ASIC2: variants seen among roughly 807,000 people sequenced by gnomAD.
ASIC2 encodes acid sensing ion channel subunit 2.
ASIC2 carries 25 observed loss-of-function variants against 57.3 expected under a neutral mutation model. The observed-to-expected ratio is 0.44, with a 90% CI of 0.32 to 0.61. The LOEUF is 0.61. Ranked by LOEUF, ASIC2 falls within the 20% of genes least tolerant of loss-of-function variation. The pLI is 0.06. For synonymous variants in ASIC2, 319 were observed against 307.5 expected (o/e 1.04, Z -0.39); for missense variants, 641 against 738.1 (o/e 0.87, Z 1.52).
At chr17:33,123,690 C>T (rs1308756231) in intron 1 of ASIC2, among the ~76,000 whole-genome samples, 1 of 152,204 alleles carries the variant, frequency 6.6e-6, no homozygotes, top group Non-Finnish European at 1.5e-5. Flanking sequence ...GTGAACTTCG[C>T]TTTCCCCGCG....
chr17:33,065,522 G>A (rs776705829), intron 3 of ASIC2, among the ~76,000 whole-genome samples: 9 of 152,038 alleles, frequency 5.9e-5, no homozygotes, highest in East Asian at 5.8e-4. Flanking sequence ...TTGCTTTGTC[G>A]CCCAGGCTGG....
At chr17:33,350,640 C>T (rs1908126883) in intron 1 of ASIC2, among the ~76,000 whole-genome samples, 2 of 140,778 alleles carry the variant, frequency 1.4e-5, no homozygotes, top group South Asian at 4.3e-4. Flanking sequence ...CAAGATTGCA[C>T]CACTGCACTC....
At chr17:33,272,243 C>T (rs1156760876) in intron 1 of ASIC2, among the ~76,000 whole-genome samples, 1 of 152,196 alleles carries the variant, frequency 6.6e-6, no homozygotes, top group Non-Finnish European at 1.5e-5. Context: ...TCATTATCAT[C>T]TGAAATTATG....
At chr17:33,088,830 G>A (rs1165282713) in intron 3 of ASIC2, 33 bp downstream of exon 3, 1 of 1,587,766 alleles carries the variant, frequency 6.3e-7, no homozygotes, top group Admixed American at 1.8e-5. Context: ...GGGAGGCTGA[G>A]GACCATCAAT....
intron 1 of ASIC2, among the ~76,000 whole-genome samples, chr17:33,480,425 G>A (rs1407605669): frequency 2.0e-5 from 3 of 152,202 alleles, no homozygotes; most frequent in Non-Finnish European, 4.4e-5. Context: ...AGAGACTGGG[G>A]TGGAGTCTGC....
At chr17:33,968,940 C>G (rs73276647) in intron 1 of ASIC2, among the ~76,000 whole-genome samples, 3,561 of 152,278 alleles carry the variant, frequency 0.023, 105 homozygotes, top group African/African-American at 0.062. Context: ...TTAGTTTCAG[C>G]CCCAGTTACA....
At chr17:33,172,682 T>C (rs1905571905) in intron 1 of ASIC2, among the ~76,000 whole-genome samples, 1 of 152,212 alleles carries the variant, frequency 6.6e-6, no homozygotes. Context: ...CATGAGCTCT[T>C]ACAGTTCAGA....
intron 1 of ASIC2, among the ~76,000 whole-genome samples, chr17:33,462,555 T>C (rs12601163): frequency 0.24 from 36,969 of 152,098 alleles, 4,583 homozygotes; most frequent in African/African-American, 0.27. Flanking sequence ...CTTCCACCCA[T>C]GTCTCACTGC....
intron 1 of ASIC2, among the ~76,000 whole-genome samples, chr17:33,258,683 C>T (rs780569406): frequency 1.5e-4 from 23 of 152,260 alleles, no homozygotes; most frequent in Middle Eastern, 3.4e-3. Flanking sequence ...AGAGCCCAGA[C>T]GTGGGTCAGG....
intron 1 of ASIC2, among the ~76,000 whole-genome samples, chr17:33,735,290 C>T (rs966196770): frequency 6.6e-6 from 1 of 152,162 alleles, no homozygotes; most frequent in African/African-American, 2.4e-5. Flanking sequence ...GTGTGGGAAA[C>T]AGAGTCTGGC....
chr17:34,040,179 G>A (rs1367550936), intron 1 of ASIC2, among the ~76,000 whole-genome samples: 1 of 122,080 alleles, frequency 8.2e-6, no homozygotes, highest in African/African-American at 4.0e-5. Context: ...AAGGCCAAGG[G>A]AGGCGCAGGA....
chr17:33,761,779 AC>A (rs995960617), intron 1 of ASIC2, among the ~76,000 whole-genome samples: 1 of 151,068 alleles, frequency 6.6e-6, no homozygotes, highest in African/African-American at 2.4e-5. Context: ...CTCCCACCCT[AC>A]AGCTGAGAAT....
At position 33,556,498 on chromosome 17, in the gene ASIC2, T is replaced by C. The variant is rs74539156; in HGVS notation, c.556-444431A>G. On this transcript the variant is annotated intron_variant, in intron 1 of 9. Transcript: ENST00000359872. ...CAAGGAGCCACTGGATGACAATTAT[T>C]TACTTAGAGCTTAAATACGTTTAAA... 4.3e-3 allele frequency among the ~76,000 whole-genome samples: 653 copies of C among 152,326 alleles called. 14 individuals carry two copies. The highest frequency in any genetic ancestry group is 0.031 in the Admixed American group (471 of 15,298).
At chr17:33,525,663 A>C (rs1053641454) in intron 1 of ASIC2, among the ~76,000 whole-genome samples, 1 of 152,246 alleles carries the variant, frequency 6.6e-6, no homozygotes, top group African/African-American at 2.4e-5. Context: ...ACCTAGACGG[A>C]CTGACCAGCT....
At chr17:33,723,672 T>G (rs1242461971) in intron 1 of ASIC2, among the ~76,000 whole-genome samples, 1 of 152,130 alleles carries the variant, frequency 6.6e-6, no homozygotes, top group Non-Finnish European at 1.5e-5. Context: ...GCAGAATGAA[T>G]CCACAGAGAT....
At chr17:33,565,089 T>C (rs8064509) in intron 1 of ASIC2, among the ~76,000 whole-genome samples, 15,032 of 152,246 alleles carry the variant, frequency 0.099, 1,929 homozygotes, top group African/African-American at 0.3. Context: ...CACACCTCTG[T>C]ATTTCTTAAT....
chr17:34,086,414 T>C (rs1910114518), intron 1 of ASIC2, among the ~76,000 whole-genome samples: 1 of 152,204 alleles, frequency 6.6e-6, no homozygotes, highest in Non-Finnish European at 1.5e-5. Context: ...TAGTTTGTTA[T>C]AATTTCTGTT....
chr17:33,316,531 G>A (rs1054942479), intron 1 of ASIC2, among the ~76,000 whole-genome samples: 31 of 152,244 alleles, frequency 2.0e-4, no homozygotes, highest in East Asian at 5.8e-4. Flanking sequence ...CAAGTCATCC[G>A]CCCATCTTGG....
At chr17:33,707,726 T>A (rs1908904628) in intron 1 of ASIC2, among the ~76,000 whole-genome samples, 1 of 152,216 alleles carries the variant, frequency 6.6e-6, no homozygotes, top group Non-Finnish European at 1.5e-5. Context: ...GTTAGAGGTG[T>A]TACTCAACTG....
Sources: gnomAD v4.1 joint callset for allele counts (sites outside exome capture counted in the v4.1 genomes callset) on GRCh38, gnomAD v4.1.1 for gene constraint, MANE v1.5 for transcripts, NCBI Gene and HGNC (gene_info 2026-07-23, HGNC 2026-07-21) for gene names.